Variants in ZNF14 observed in about 807,000 individuals in gnomAD.
The protein encoded by ZNF14 is zinc finger protein 14, also known as gonadotropin inducible transcription repressor-4.
Under a neutral mutation model 11.3 loss-of-function variants are expected in ZNF14, and 9 were observed. That is an observed-to-expected ratio of 0.80 (90% confidence interval 0.48 to 1.39). The LOEUF is 1.39. Among genes scored for constraint, ZNF14 ranks in the 40% most tolerant of loss-of-function variants. The pLI is 0.00. For synonymous variants in ZNF14, 239 were observed against 245.7 expected, an observed-to-expected ratio of 0.97 and a Z score of 0.25; for missense variants, 711 against 763.9, an observed-to-expected ratio of 0.93 and a Z score of 0.82.
Position 19,711,819 on chromosome 19 carries a change from T to G in ZNF14, c.1462A>C (p.Ser488Arg). The change falls in exon 4 of 4, where the codon AGT becomes CGT. Residue 488 changes from serine (S) to arginine (R), a missense_variant. By Grantham distance (110) the Ser-to-Arg change is moderately radical (BLOSUM62 -1). Transcript: ENST00000344099. The stretch of plus-strand genomic sequence containing the variant: ...GTTCTTTCATGCAGTCGAAAGGAAC[T>G]GGAACGAATGAAAACTTTTCCACAC... ...KQCGKVFIRS[S>R]SFRLHERTHT... The G allele has an allele frequency of 6.2e-7, 1 of 1,613,646 alleles. No individual in the cohort carries two copies. Among genetic ancestry groups the G allele is most frequent in the East Asian group, 2.2e-5 (1 of 44,870 alleles).
chr19:19,722,517 G>C (rs1032753859), intron 1 of ZNF14, among the ~76,000 whole-genome samples: 1 of 152,130 alleles, frequency 6.6e-6, no homozygotes, highest in Non-Finnish European at 1.5e-5. Flanking sequence ...GATGCCTCCA[G>C]CTTTGTTCTT....
At position 19,712,172 on chromosome 19, in the gene ZNF14, T is replaced by A; in HGVS notation, c.1109A>T (p.Lys370Ile). ...EKPYECKRCG[K>I]SFSWSISLRL... is the part of the protein sequence containing the mutation. ...AAGAGAAATGGACCAACTGAATGAT[T>A]TGCCACATCGTTTACATTCATATGG... Residue 370 changes from lysine (K) to isoleucine (I), a missense_variant, in exon 4 of 4, where the codon AAA becomes ATA. Lys to Ile is a moderately radical substitution (Grantham distance 102). Transcript: ENST00000344099. 6.2e-7 allele frequency: 1 copy of A among 1,614,096 alleles called. No individual in the cohort carries two copies. The highest frequency in any genetic ancestry group is 8.5e-7 in the Non-Finnish European group (1 of 1,180,012).
At chr19:19,727,210 C>T (rs1006929039) in intron 1 of ZNF14, among the ~76,000 whole-genome samples, 2 of 133,548 alleles carry the variant, frequency 1.5e-5, no homozygotes, top group Non-Finnish European at 3.3e-5. Flanking sequence ...GCCTCAAGGC[C>T]GAGTACTGTT....
chr19:19,725,946 C>T (rs1185817269), intron 1 of ZNF14, among the ~76,000 whole-genome samples: 1 of 134,280 alleles, frequency 7.4e-6, no homozygotes, highest in East Asian at 2.1e-4. Flanking sequence ...TTAAGGTCTT[C>T]TCCACACTGT....
chr19:19,714,485 G>A lies in ZNF14; in HGVS notation c.6C>T (p.Asp2=). The change falls in exon 2 of 4, where the codon GAC becomes GAT. Residue 2 remains aspartate, a splice_region_variant and synonymous_variant. Transcript: ENST00000344099. ...CGGCCACATCCTCAAAGGAGACTGA[G>A]TCCTGAAACATTCCACATATGTTTA... The part of the protein sequence containing the change: M[D]SVSFEDVAVN... The A allele has an allele frequency of 6.2e-7, 1 of 1,612,030 alleles. No homozygotes were observed. Among genetic ancestry groups the A allele is most frequent in the Non-Finnish European group, 8.5e-7 (1 of 1,179,516 alleles).
In ZNF14 at chr19:19,714,379, T is replaced by G. The variant is rs776012802; in HGVS notation, c.112A>C (p.Lys38Gln). Residue 38 changes from lysine to glutamine, a missense_variant, in exon 2 of 4, where the codon AAA becomes CAA. Physicochemically the swap from Lys to Gln is moderately conservative, Grantham distance 53. Coordinates refer to ENST00000344099, the MANE Select transcript of ZNF14 (RefSeq NM_021030.3). ...TCCTTACCTAGACAAACCAGGTTTT[T>G]GAAGGTCTCCTGCATCACATCTTCA... ...LYEDVMQETF[K>Q]NLVCLGKKWE... 3 of 1,614,128 alleles carry G rather than the reference T, an allele frequency of 1.9e-6. No homozygotes were observed. Among genetic ancestry groups the G allele is most frequent in the Non-Finnish European group, 2.5e-6 (3 of 1,180,034 alleles).
Position 19,712,330 on chromosome 19 carries a change from A to C in ZNF14, c.951T>G (p.Phe317Leu). ...CATGTGCTCGAAAGCTTGCAGAATA[A>C]AAGAAGGCTTTTCCACATTCTTTAC... ...YECKECGKAF[F>L]YSASFRAHVI... The change falls in exon 4 of 4, where the codon TTT becomes TTG. Residue 317 changes from phenylalanine (F) to leucine (L), a missense_variant. Physicochemically the swap from Phe to Leu is conservative, Grantham distance 22. Coordinates refer to ENST00000344099, the MANE Select transcript of ZNF14 (RefSeq NM_021030.3). 6.2e-7 allele frequency: 1 copy of C among 1,613,884 alleles called. No individual in the cohort carries two copies. The highest frequency in any genetic ancestry group is 8.5e-7 in the Non-Finnish European group (1 of 1,179,972).
Position 19,711,371 on chromosome 19 carries a change from T to G in ZNF14, c.1910A>C (p.His637Pro). 1 of 1,564,036 alleles carries G rather than the reference T, an allele frequency of 6.4e-7. No individual in the cohort carries two copies. The highest frequency in any genetic ancestry group is 8.6e-7 in the Non-Finnish European group (1 of 1,159,646). Residue 637 changes from histidine to proline, a missense_variant, in exon 4 of 4, where the codon CAT becomes CCT. Physicochemically the swap from His to Pro is moderately conservative, Grantham distance 77. Transcript: ENST00000344099. The part of the protein sequence containing the change: ...SSHFRLHERT[H>P]MGEKV ...ATATTCTTAGACTTTCTCTCCCATATGAGTCCTTTCATGCAGTCGAAAGTG... is the reference window on the plus strand; with the variant it reads ...ATATTCTTAGACTTTCTCTCCCATAGGAGTCCTTTCATGCAGTCGAAAGTG...
rs1490642424 is a variant in ZNF14, at chr19:19,711,639, A to G, written c.1642T>C (p.Leu548=). The part of the protein sequence containing the change: ...KAFLRSSQIR[L]HERTHTGEKP... ...TCTCCAGTGTGAGTCCTTTCATGCA[A>G]TCGAATTTGACTGGAACGAAGGAAG... The change falls in exon 4 of 4, where the codon TTG becomes CTG. Residue 548 remains leucine (L), a synonymous_variant. Transcript: ENST00000344099. The G allele has an allele frequency of 1.2e-6, 2 of 1,609,896 alleles. No individual in the cohort carries two copies. Among genetic ancestry groups the G allele is most frequent in the African/African-American group, 2.7e-5 (2 of 73,484 alleles).
intron 1 of ZNF14, among the ~76,000 whole-genome samples, chr19:19,725,634 G>A (rs200536780): frequency 2.2e-5 from 3 of 133,854 alleles, no homozygotes; most frequent in Non-Finnish European, 5.0e-5. Context: ...GCCTTGCTAG[G>A]TTGGGGAAGT....
At chr19:19,723,812 G>C (rs2062399782) in intron 1 of ZNF14, among the ~76,000 whole-genome samples, 1 of 133,330 alleles carries the variant, frequency 7.5e-6, no homozygotes, top group Admixed American at 7.4e-5. Context: ...TTAGTCTTGG[G>C]AGGGTGTATG....
At chr19:19,731,140 C>T (rs909770277) in intron 1 of ZNF14, among the ~76,000 whole-genome samples, 2 of 152,090 alleles carry the variant, frequency 1.3e-5, no homozygotes, top group African/African-American at 4.8e-5. Flanking sequence ...CAAATAACCA[C>T]CTTAGAAAAA....
At chr19:19,718,967 T>C (rs1309956543) in intron 1 of ZNF14, among the ~76,000 whole-genome samples, 1 of 152,120 alleles carries the variant, frequency 6.6e-6, no homozygotes, top group African/African-American at 2.4e-5. Flanking sequence ...GGTTTTGCCA[T>C]GTTGGCCAGG....
At position 19,726,726 on chromosome 19, in the gene ZNF14, A is replaced by C. The variant is rs554675594; in HGVS notation, c.3+6230T>G. ...AGGCAGGCCTCCTTGAGCTGTGGTG[A>C]GCTCCACCCAGTTCGAGCTTCCCAG... On this transcript the variant is annotated intron_variant, in intron 1 of 3. Coordinates refer to ENST00000344099, the MANE Select transcript of ZNF14 (RefSeq NM_021030.3). 4.5e-5 allele frequency among the ~76,000 whole-genome samples: 6 copies of C among 131,882 alleles called. 2 individuals carry two copies. The East Asian group carries it at 1.3e-3, about 28-fold the overall frequency. 86.5% of individuals were successfully genotyped at this position (131,882 alleles called of 152,430 possible). A position where few individuals can be genotyped will look rare whatever the true frequency, so the allele number is the denominator to read the frequency against.
At position 19,711,498 on chromosome 19, in the gene ZNF14, C is replaced by T. The variant is rs747599077; in HGVS notation, c.1783G>A (p.Ala595Thr). 3.1e-6 allele frequency: 5 copies of T among 1,613,766 alleles called. No homozygotes were observed. Among genetic ancestry groups the T allele is most frequent in the Non-Finnish European group, 4.2e-6 (5 of 1,179,930 alleles). ...KPYRCKQCGK[A>T]FRFSSSVRIH... ...CGAACAGAACTTGAAAATCTGAAGG[C>T]TTTCCCACATTGTTTACATCGATAG... The change falls in exon 4 of 4, where the codon GCC (alanine) becomes ACC (threonine). Residue 595 changes from alanine (A) to threonine (T), a missense_variant. Coordinates refer to ENST00000344099, the MANE Select transcript of ZNF14 (RefSeq NM_021030.3).
rs1599466500 is a variant in ZNF14, at chr19:19,710,776, A to G, written c.*576T>C. The stretch of plus-strand genomic sequence containing the variant: ...ACAGTTGGAAGATTTTCCCACTTTT[A>G]TTTTTTCTTGAGACAGTGTCTCATT... On this transcript the variant is annotated 3_prime_UTR_variant, in exon 4 of 4. Transcript: ENST00000344099. The G allele has an allele frequency of 6.6e-6, 1 of 152,564 alleles. No individual in the cohort carries two copies. The highest frequency in any genetic ancestry group is 2.4e-5 in the African/African-American group (1 of 41,366). 9.5% of individuals were successfully genotyped at this position (152,564 alleles called of 1,614,324 possible).
In ZNF14 at chr19:19,724,294, C is replaced by T. The variant is rs182464861; in HGVS notation, c.3+8662G>A. On this transcript the variant is annotated intron_variant, in intron 1 of 3. Coordinates refer to ENST00000344099, the MANE Select transcript of ZNF14 (RefSeq NM_021030.3). ...CTGGTATGTTTTGTCTTTGTTCTCA[C>T]TGGTTTCAAAGAACATGTTTATTTC... Among the ~76,000 whole-genome samples the T allele has an allele frequency of 2.2e-5, 3 of 133,646 alleles. 1 individual carries two copies. The highest frequency in any genetic ancestry group is 1.5e-4 in the Admixed American group (2 of 13,578). 87.7% of individuals were successfully genotyped at this position (133,646 alleles called of 152,430 possible). A position where few individuals can be genotyped will look rare whatever the true frequency, so the allele number is the denominator to read the frequency against.
At chr19:19,721,539 T>C (rs1179779305) in intron 1 of ZNF14, among the ~76,000 whole-genome samples, 1 of 152,218 alleles carries the variant, frequency 6.6e-6, no homozygotes, top group Non-Finnish European at 1.5e-5. Context: ...AAGTCACTGA[T>C]TGCATCAATA....
rs1468629610 is a variant in ZNF14, at chr19:19,733,087, G to T, written c.-129C>A. On this transcript the variant is annotated 5_prime_UTR_variant, in exon 1 of 4. Coordinates refer to ENST00000344099, the MANE Select transcript of ZNF14 (RefSeq NM_021030.3). ...AGCAGGTGAAACGCAATCTTCCCAT[G>T]GGCCAGGAATGGCGACGTCCGCACT... 4.8e-6 allele frequency: 6 copies of T among 1,247,960 alleles called. No individual in the cohort carries two copies. The highest frequency in any genetic ancestry group is 5.6e-6 in the Non-Finnish European group (5 of 892,568). The allele number at this position is 1,247,960 out of a possible 1,614,324, so 77.3% of individuals were successfully genotyped here. A position where few individuals can be genotyped will look rare whatever the true frequency, so the allele number is the denominator to read the frequency against.
Sources: gnomAD v4.1 joint callset for allele counts (sites outside exome capture counted in the v4.1 genomes callset) on GRCh38, gnomAD v4.1.1 for gene constraint, MANE v1.5 for transcripts, NCBI Gene and HGNC (gene_info 2026-07-23, HGNC 2026-07-21) for gene names.